Variants in HS3ST3A1 observed in about 807,000 individuals in gnomAD.
The protein encoded by HS3ST3A1 is heparan sulfate-glucosamine 3-sulfotransferase 3A1.
A neutral mutation model predicts 25.7 loss-of-function variants in HS3ST3A1; 19 were observed. The ratio of observed to expected loss-of-function variants is 0.74; its 90% CI spans 0.52 to 1.08. The LOEUF is 1.08. HS3ST3A1 is among the 50% of genes least tolerant of loss of function. The pLI is 0.00. For missense variants in HS3ST3A1, 459 were observed against 594.3 expected, an observed-to-expected ratio of 0.77 and a Z score of 2.37; for synonymous variants, 226 against 278.6, an observed-to-expected ratio of 0.81 and a Z score of 1.88.
intron 1 of HS3ST3A1, among the ~76,000 whole-genome samples, chr17:13,527,734 T>G (rs1188625239): frequency 3.3e-5 from 5 of 152,188 alleles, no homozygotes; most frequent in Non-Finnish European, 7.4e-5. Context: ...TTTCCTCCTT[T>G]TACAAACAAA....
intron 1 of HS3ST3A1, among the ~76,000 whole-genome samples, chr17:13,516,818 C>G (rs989698553): frequency 1.3e-5 from 2 of 152,186 alleles, no homozygotes; most frequent in African/African-American, 4.8e-5. Context: ...TCCCAAGTAG[C>G]TGGGATTACA....
At chr17:13,588,088 C>A (rs1054607409) in intron 1 of HS3ST3A1, among the ~76,000 whole-genome samples, 1 of 152,160 alleles carries the variant, frequency 6.6e-6, no homozygotes, top group African/African-American at 2.4e-5. Flanking sequence ...GCCCAGAAGT[C>A]TGCAAACAAC....
intron 1 of HS3ST3A1, among the ~76,000 whole-genome samples, chr17:13,531,589 A>G (rs985913662): frequency 6.6e-6 from 1 of 150,990 alleles, no homozygotes; most frequent in Non-Finnish European, 1.5e-5. Context: ...CTCAAAAAAC[A>G]TGTAAATCTT....
At chr17:13,502,324 G>C (rs1307800782) in intron 1 of HS3ST3A1, among the ~76,000 whole-genome samples, 1 of 152,232 alleles carries the variant, frequency 6.6e-6, no homozygotes, top group Non-Finnish European at 1.5e-5. Context: ...TGAGGGGACA[G>C]ACCTGCCTCC....
At chr17:13,527,520 A>G (rs1906470125) in intron 1 of HS3ST3A1, among the ~76,000 whole-genome samples, 1 of 152,190 alleles carries the variant, frequency 6.6e-6, no homozygotes, top group Admixed American at 6.5e-5. Flanking sequence ...CCATCACCCC[A>G]GGAGCGGAGT....
chr17:13,596,788 G>A (rs1908590037), intron 1 of HS3ST3A1, among the ~76,000 whole-genome samples: 1 of 152,138 alleles, frequency 6.6e-6, no homozygotes, highest in African/African-American at 2.4e-5. Context: ...GAAGGGGCTT[G>A]CACAGTACAG....
chr17:13,560,144 G>A (rs957496704), intron 1 of HS3ST3A1, among the ~76,000 whole-genome samples: 1 of 151,178 alleles, frequency 6.6e-6, no homozygotes, highest in African/African-American at 2.4e-5. Context: ...ACAAAAATTA[G>A]CCAGGTATGG....
chr17:13,552,077 A>ATT (rs11424342), intron 1 of HS3ST3A1, among the ~76,000 whole-genome samples: 2 of 151,700 alleles, frequency 1.3e-5, no homozygotes, highest in Admixed American at 6.6e-5. Context: ...TGAACACTTT[A>ATT]TTTTTTTATT....
intron 1 of HS3ST3A1, among the ~76,000 whole-genome samples, chr17:13,589,453 C>T (rs1343097645): frequency 6.6e-6 from 1 of 152,184 alleles, no homozygotes; most frequent in African/African-American, 2.4e-5. Context: ...TAAACCCTAG[C>T]AGGGCATTCT....
chr17:13,500,199 G>A (rs1202802751), intron 1 of HS3ST3A1, among the ~76,000 whole-genome samples: 1 of 152,120 alleles, frequency 6.6e-6, no homozygotes, highest in Non-Finnish European at 1.5e-5. Flanking sequence ...TTGGAATACT[G>A]CATTTCAAAA....
chr17:13,560,155 T>A (rs1182359650), intron 1 of HS3ST3A1, among the ~76,000 whole-genome samples: 1 of 151,104 alleles, frequency 6.6e-6, no homozygotes, highest in Non-Finnish European at 1.5e-5. Context: ...CCAGGTATGG[T>A]GGCACATGCC....
intron 1 of HS3ST3A1, among the ~76,000 whole-genome samples, chr17:13,529,249 A>G (rs1906528682): frequency 6.6e-6 from 1 of 152,204 alleles, no homozygotes; most frequent in South Asian, 2.1e-4. Flanking sequence ...CATAACACCA[A>G]TCTATCATGT....
intron 1 of HS3ST3A1, among the ~76,000 whole-genome samples, chr17:13,509,764 C>A (rs1905802709): frequency 6.6e-6 from 1 of 152,208 alleles, no homozygotes. Context: ...ATCCCCTAAT[C>A]CAGCTGCTTC....
chr17:13,581,058 T>C (rs1908099354), intron 1 of HS3ST3A1, among the ~76,000 whole-genome samples: 1 of 152,010 alleles, frequency 6.6e-6, no homozygotes, highest in South Asian at 2.1e-4. Flanking sequence ...CATAAGCAAA[T>C]GCAAAGCTCA....
chr17:13,505,693 T>C (rs1905641450), intron 1 of HS3ST3A1, among the ~76,000 whole-genome samples: 1 of 151,626 alleles, frequency 6.6e-6, no homozygotes, highest in Non-Finnish European at 1.5e-5. Context: ...AAGTGAACAA[T>C]TATTTTGAAG....
intron 1 of HS3ST3A1, among the ~76,000 whole-genome samples, chr17:13,509,604 G>T (rs1029406762): frequency 2.6e-5 from 4 of 152,082 alleles, no homozygotes; most frequent in African/African-American, 4.8e-5. Context: ...GACAGAGAGA[G>T]ATTGATAGGT....
At chr17:13,552,753 G>A (rs1301801859) in intron 1 of HS3ST3A1, among the ~76,000 whole-genome samples, 1 of 152,192 alleles carries the variant, frequency 6.6e-6, no homozygotes, top group Non-Finnish European at 1.5e-5. Context: ...GCACAGCTAA[G>A]ACCTTTCCCA....
intron 1 of HS3ST3A1, among the ~76,000 whole-genome samples, chr17:13,591,331 G>A (rs1908419665): frequency 6.6e-6 from 1 of 152,080 alleles, no homozygotes; most frequent in Admixed American, 6.5e-5. Context: ...ACAGGCATGA[G>A]CCACCGCACC....
At chr17:13,520,784 G>A (rs574902495) in intron 1 of HS3ST3A1, among the ~76,000 whole-genome samples, 6 of 152,072 alleles carry the variant, frequency 3.9e-5, no homozygotes, top group Non-Finnish European at 7.4e-5. Flanking sequence ...GCTAATTTTT[G>A]TATTTTTAGT....
Sources: gnomAD v4.1 joint callset for allele counts (sites outside exome capture counted in the v4.1 genomes callset) on GRCh38, gnomAD v4.1.1 for gene constraint, MANE v1.5 for transcripts, NCBI Gene and HGNC (gene_info 2026-07-23, HGNC 2026-07-21) for gene names.